Variants in DLG1 observed in about 807,000 individuals in gnomAD.
The protein encoded by DLG1 is disks large homolog 1.
A neutral mutation model predicts 123.4 loss-of-function variants in DLG1; 42 were observed. The ratio of observed to expected loss-of-function variants is 0.34; its 90% CI spans 0.27 to 0.44. The LOEUF (loss-of-function observed/expected upper bound fraction) is 0.44. DLG1 is among the 20% of genes least tolerant of loss of function. DLG1 has a pLI of 1.00. For synonymous variants in DLG1, 317 were observed against 356.2 expected, an observed-to-expected ratio of 0.89 and a Z score of 1.24; for missense variants, 942 against 1,082.6, an observed-to-expected ratio of 0.87 and a Z score of 1.82.
intron 5 of DLG1, among the ~76,000 whole-genome samples, chr3:197,155,477 A>G (rs910184834): frequency 1.1e-4 from 17 of 152,218 alleles, no homozygotes; most frequent in Admixed American, 3.3e-4. Context: ...CTAGACAGCA[A>G]CTCAAAGTCA....
intron 5 of DLG1, among the ~76,000 whole-genome samples, chr3:197,172,819 T>A (rs1382582561): frequency 2.0e-5 from 3 of 152,348 alleles, no homozygotes; most frequent in East Asian, 3.9e-4. Context: ...TATCTAGCAA[T>A]AATGAATTGC....
chr3:197,189,880 C>T (rs1436093723), intron 5 of DLG1, among the ~76,000 whole-genome samples: 1 of 152,188 alleles, frequency 6.6e-6, no homozygotes, highest in East Asian at 1.9e-4. Flanking sequence ...GCAAGATTTC[C>T]ACCAATTTCA....
At chr3:197,298,671 G>T, upstream of DLG1, 1 of 396,478 alleles carries the variant, frequency 2.5e-6, no homozygotes. Flanking sequence ...CCCAGGGGGC[G>T]GGGAGGGCGG....
intron 3 of DLG1, among the ~76,000 whole-genome samples, chr3:197,284,093 T>C (rs982687570): frequency 2.0e-5 from 3 of 152,062 alleles, no homozygotes; most frequent in African/African-American, 7.2e-5. Flanking sequence ...ACTCCTGACC[T>C]CAGGTGATCT....
At chr3:197,165,236 T>C (rs2149952734) in intron 5 of DLG1, among the ~76,000 whole-genome samples, 1 of 152,324 alleles carries the variant, frequency 6.6e-6, no homozygotes, top group South Asian at 2.1e-4. Context: ...ATTGTGAATA[T>C]TAACAGAAAA....
chr3:197,258,216 T>C (rs976195635), intron 4 of DLG1, among the ~76,000 whole-genome samples: 10 of 152,086 alleles, frequency 6.6e-5, no homozygotes. Flanking sequence ...AAACAAACAT[T>C]ACACTTGGAT....
chr3:197,253,554 ATC>A (rs1327385070), intron 4 of DLG1, among the ~76,000 whole-genome samples: 1 of 152,200 alleles, frequency 6.6e-6, no homozygotes, highest in African/African-American at 2.4e-5. Flanking sequence ...CTCCCCGGCA[ATC>A]TCTTGAAAAT....
chr3:197,162,555 T>C (rs1161578728), intron 5 of DLG1, among the ~76,000 whole-genome samples: 1 of 152,056 alleles, frequency 6.6e-6, no homozygotes, highest in Non-Finnish European at 1.5e-5. Flanking sequence ...AAATGCAAAA[T>C]AAAATGGCAA....
chr3:197,208,686 C>G (rs779951087), intron 4 of DLG1, among the ~76,000 whole-genome samples: 1 of 129,086 alleles, frequency 7.7e-6, no homozygotes, highest in African/African-American at 2.8e-5. Context: ...GTGTGTGTGG[C>G]GGGGTGGGGG....
chr3:197,191,705 T>C (rs527622483), intron 5 of DLG1, among the ~76,000 whole-genome samples: 46 of 152,320 alleles, frequency 3.0e-4, no homozygotes, highest in African/African-American at 1.0e-3. Context: ...TGTTAGGGCT[T>C]TACCCGTGCT....
At chr3:197,184,533 G>A (rs752099353) in intron 5 of DLG1, among the ~76,000 whole-genome samples, 1 of 152,126 alleles carries the variant, frequency 6.6e-6, no homozygotes, top group Non-Finnish European at 1.5e-5. Flanking sequence ...ATTACAAATG[G>A]ATTTTCCTTT....
rs541848666 is a variant in DLG1 at position 197,186,819 on chromosome 3, G to A, written c.483+7606C>T. Among the ~76,000 whole-genome samples, 5 of 152,158 alleles carry A rather than the reference G, an allele frequency of 3.3e-5. No individual in the cohort carries two copies. In the South Asian group the frequency reaches 1.0e-3, roughly 32 times the overall value. ...TCTTGAACTCCTTGGCTCAATCCAT[G>A]CTCCTGCCTCAGCCACCCACGTAGC... On this transcript the variant is annotated intron_variant, in intron 5 of 24. Transcript: ENST00000667157.
At chr3:197,091,890 G>A (rs1017982773) in intron 14 of DLG1, among the ~76,000 whole-genome samples, 2 of 152,088 alleles carry the variant, frequency 1.3e-5, no homozygotes, top group Non-Finnish European at 2.9e-5. Flanking sequence ...AGATGACAGA[G>A]TAAGAGTAAG....
chr3:197,061,868 A>G (rs28621563), intron 22 of DLG1, among the ~76,000 whole-genome samples: 64,247 of 151,938 alleles, frequency 0.42, 14,213 homozygotes, highest in East Asian at 0.74. Context: ...TATCATTTTT[A>G]CCTTTGTAAC....
intron 23 of DLG1, among the ~76,000 whole-genome samples, chr3:197,052,157 A>T (rs1728256560): frequency 6.6e-6 from 1 of 151,904 alleles, no homozygotes; most frequent in South Asian, 2.1e-4. Context: ...TGGGATTTTT[A>T]AAAATAAAAA....
chr3:197,230,370 G>C (rs1742305302), intron 4 of DLG1, among the ~76,000 whole-genome samples: 1 of 151,934 alleles, frequency 6.6e-6, no homozygotes, highest in African/African-American at 2.4e-5. Flanking sequence ...CTTATAAAAG[G>C]GTTAAAATAC....
At chr3:197,242,992 A>G (rs1397843422) in intron 4 of DLG1, among the ~76,000 whole-genome samples, 1 of 152,126 alleles carries the variant, frequency 6.6e-6, no homozygotes, top group African/African-American at 2.4e-5. Context: ...TCAGAGTTGC[A>G]AAGAAAATGA....
intron 6 of DLG1, among the ~76,000 whole-genome samples, chr3:197,148,161 G>A (rs1791900496): frequency 6.7e-6 from 1 of 149,220 alleles, no homozygotes; most frequent in Admixed American, 6.8e-5. Context: ...CACTTTGGGA[G>A]GCTGAGGCGG....
intron 5 of DLG1, among the ~76,000 whole-genome samples, chr3:197,154,334 A>C (rs1277545331): frequency 1.3e-5 from 2 of 151,830 alleles, no homozygotes; most frequent in East Asian, 1.9e-4. Context: ...AACCAAAAAA[A>C]CCCACAAAAA....
Sources: allele counts gnomAD v4.1 joint callset (sites outside exome capture counted in the v4.1 genomes callset), GRCh38; gene constraint gnomAD v4.1.1; transcripts MANE v1.5; gene names NCBI Gene and HGNC (gene_info 2026-07-23, HGNC 2026-07-21).